Variants in LAMA1 observed in about 807,000 individuals in gnomAD.
LAMA1 encodes laminin subunit alpha 1.
Under a neutral mutation model 348.7 loss-of-function variants are expected in LAMA1, and 219 were observed. That is an observed-to-expected ratio of 0.63 (90% CI 0.56 to 0.70). The LOEUF is 0.70. Among genes scored for constraint, LAMA1 ranks in the 30% least tolerant of loss-of-function variants. The probability of loss-of-function intolerance (pLI) is 0.00; values close to 1 mark genes in which losing one functional copy is unlikely to be tolerated. For synonymous variants in LAMA1, 1,487 were observed against 1,491.0 expected (o/e 1.00, Z 0.06); for missense variants, 3,744 against 3,888.0 (o/e 0.96, Z 0.99).
intron 23 of LAMA1, among the ~76,000 whole-genome samples, chr18:7,012,774 G>A (rs1269051471): frequency 1.3e-5 from 2 of 150,558 alleles, no homozygotes; most frequent in African/African-American, 4.9e-5. Context: ...CAAAGTGCTG[G>A]GATTACAGGT....
chr18:7,045,093 T>C (rs572258066), intron 6 of LAMA1, among the ~76,000 whole-genome samples: 1 of 152,160 alleles, frequency 6.6e-6, no homozygotes, highest in African/African-American at 2.4e-5. Flanking sequence ...TTTTTAAAAA[T>C]ATACATGGAA....
chr18:7,085,165 A>AT (rs932842955), intron 1 of LAMA1, among the ~76,000 whole-genome samples: 1 of 152,020 alleles, frequency 6.6e-6, no homozygotes, highest in Non-Finnish European at 1.5e-5. Flanking sequence ...TTTCCAGATC[A>AT]TTTTTTTCCA....
rs2057885421 is a variant in LAMA1, at chr18:7,015,878, T to C, written c.2990-20A>G. Reference sequence around the variant, plus strand: ...CACAGGCTGAAATAAAGATGAATGCTGGGTTACAGATCTGGGTGATGTCAT... The same window carrying C: ...CACAGGCTGAAATAAAGATGAATGCCGGGTTACAGATCTGGGTGATGTCAT... On this transcript the variant is annotated intron_variant, in intron 21 of 62. Coordinates refer to ENST00000389658, the MANE Select transcript of LAMA1 (RefSeq NM_005559.4). The C allele has an allele frequency of 1.2e-6, 2 of 1,613,890 alleles. No individual in the cohort carries two copies. Among genetic ancestry groups the C allele is most frequent in the African/African-American group, 1.3e-5 (1 of 74,918 alleles).
In LAMA1 at chr18:6,992,659, A is replaced by G. The variant is rs777337810; in HGVS notation, c.5070T>C (p.Ser1690=). 13 of 1,613,666 alleles carry G rather than the reference A, an allele frequency of 8.1e-6. No homozygotes were observed. The East Asian group carries it at 2.7e-4, about 33-fold the overall frequency. Reference sequence around the variant, plus strand: ...CATTCTGTTGCATGTTCTGAAGAGTAGAATTGGGTAGTAGGAAATCTTCAT... The same window carrying G: ...CATTCTGTTGCATGTTCTGAAGAGTGGAATTGGGTAGTAGGAAATCTTCAT... ...TLDEDFLLPN[S]TLQNMQQNGT... Residue 1690 remains serine (S), a synonymous_variant, in exon 36 of 63, where the codon TCT becomes TCC. Coordinates refer to ENST00000389658, the MANE Select transcript of LAMA1 (RefSeq NM_005559.4).
intron 1 of LAMA1, among the ~76,000 whole-genome samples, chr18:7,094,268 C>CA (rs1449111784): frequency 2.0e-5 from 3 of 151,484 alleles, no homozygotes; most frequent in East Asian, 3.9e-4. Context: ...ATTAAAAATA[C>CA]AAAAAATGAG....
chr18:6,958,646 A>G lies in LAMA1; in HGVS notation c.7795T>C (p.Leu2599=), dbSNP rs940238033. The change falls in exon 55 of 63, where the codon TTG becomes CTG. Residue 2599 remains leucine, a synonymous_variant. Transcript: ENST00000389658. The part of the protein sequence containing the change: ...VRNRRIITVQ[L]DENNPVEMKL... ...ATTTCCACAGGATTGTTCTCATCCA[A>G]TTGGACAGTGATAATTCTAAAAGAC... is the stretch of plus-strand genomic sequence containing the variant. 6 of 1,613,956 alleles carry G rather than the reference A, an allele frequency of 3.7e-6. No individual in the cohort carries two copies. The highest frequency in any genetic ancestry group is 5.1e-6 in the Non-Finnish European group (6 of 1,179,814).
At chr18:6,986,486 G>C in intron 36 of LAMA1, 139 bp from the exon 37 acceptor site, 1 of 736,164 alleles carries the variant, frequency 1.4e-6, no homozygotes, top group Non-Finnish European at 2.3e-6. Context: ...AACTTCTTAA[G>C]AATGGAAACA....
At position 6,950,691 on chromosome 18, in the gene LAMA1, G is replaced by T. The variant is rs976481680; in HGVS notation, c.8397+91C>A. 2.9e-6 allele frequency: 4 copies of T among 1,382,430 alleles called. No homozygotes were observed. In the African/African-American group the frequency reaches 4.3e-5, roughly 15 times the overall value. 85.6% of individuals were successfully genotyped at this position (1,382,430 alleles called of 1,614,324 possible). A position where few individuals can be genotyped will look rare whatever the true frequency, so the allele number is the denominator to read the frequency against. Reference sequence around the variant, plus strand: ...ACACACGGCGAGATAGAGATTAATGGGGATAATGTGCCTTTGAGAAATGGA... The same window carrying T: ...ACACACGGCGAGATAGAGATTAATGTGGATAATGTGCCTTTGAGAAATGGA... On this transcript the variant is annotated intron_variant, in intron 58 of 62. Coordinates refer to ENST00000389658, the MANE Select transcript of LAMA1 (RefSeq NM_005559.4).
At chr18:7,054,626 A>AAC (rs1242278468) in intron 3 of LAMA1, among the ~76,000 whole-genome samples, 2 of 152,178 alleles carry the variant, frequency 1.3e-5, no homozygotes, top group African/African-American at 4.8e-5. Context: ...ATGGACCTCT[A>AAC]AACGTGTGTG....
At chr18:7,101,277 G>T (rs1158812877) in intron 1 of LAMA1, among the ~76,000 whole-genome samples, 1 of 152,188 alleles carries the variant, frequency 6.6e-6, no homozygotes. Flanking sequence ...TGTTAAAACA[G>T]AGATTCTCCT....
chr18:7,076,638 A>C (rs1008119046), intron 3 of LAMA1, among the ~76,000 whole-genome samples: 55 of 151,518 alleles, frequency 3.6e-4, no homozygotes, highest in African/African-American at 1.3e-3. Flanking sequence ...CCAATGCAAC[A>C]AGTGGTCCTT....
Position 7,002,351 on chromosome 18 carries a change from T to A in LAMA1, c.4295A>T (p.Asp1432Val). The change falls in exon 30 of 63, where the codon GAT (aspartate) becomes GTT (valine). Residue 1432 changes from aspartate to valine, a missense_variant. Coordinates refer to ENST00000389658, the MANE Select transcript of LAMA1 (RefSeq NM_005559.4). Reference sequence around the variant, plus strand: ...CCCGTAGTAGCCAGAAGTACACACATCACAATGGTCACCTGCTGTGTTATC... The same window carrying A: ...CCCGTAGTAGCCAGAAGTACACACAACACAATGGTCACCTGCTGTGTTATC... ...CGDNTAGDHC[D>V]VCTSGYYGKV... is the part of the protein sequence containing the mutation. 1 of 1,613,756 alleles carries A rather than the reference T, an allele frequency of 6.2e-7. No homozygotes were observed. The highest frequency in any genetic ancestry group is 8.5e-7 in the Non-Finnish European group (1 of 1,180,026).
At chr18:7,039,137 T>G (rs1236307252) in intron 10 of LAMA1, among the ~76,000 whole-genome samples, 187 bp from the exon 11 acceptor site, 1 of 152,216 alleles carries the variant, frequency 6.6e-6, no homozygotes, top group African/African-American at 2.4e-5. Context: ...TAATTTGATT[T>G]TGTACTCAAG....
At chr18:6,976,716 C>G (rs936766001) in intron 44 of LAMA1, among the ~76,000 whole-genome samples, 1 of 151,986 alleles carries the variant, frequency 6.6e-6, no homozygotes, top group Non-Finnish European at 1.5e-5. Flanking sequence ...GAGCAATCCT[C>G]CTGCCTCAGC....
intron 44 of LAMA1, among the ~76,000 whole-genome samples, chr18:6,976,655 G>A (rs374095532): frequency 1.4e-4 from 21 of 151,924 alleles, no homozygotes; most frequent in African/African-American, 5.1e-4. Flanking sequence ...TGCCCAGGCT[G>A]GAGTGCAGTG....
intron 12 of LAMA1, among the ~76,000 whole-genome samples, chr18:7,036,822 A>G (rs2057997115): frequency 6.6e-6 from 1 of 152,222 alleles, no homozygotes; most frequent in Non-Finnish European, 1.5e-5. Flanking sequence ...CTACAAGACT[A>G]CACTAGCATG....
chr18:7,052,257 C>T, intron 3 of LAMA1, among the ~76,000 whole-genome samples: 1 of 151,624 alleles, frequency 6.6e-6, no homozygotes, highest in Non-Finnish European at 1.5e-5. Context: ...TGGTAAAATC[C>T]CATCTCTACT....
At chr18:7,114,197 G>C (rs1436752351) in intron 1 of LAMA1, among the ~76,000 whole-genome samples, 1 of 152,152 alleles carries the variant, frequency 6.6e-6, no homozygotes, top group African/African-American at 2.4e-5. Context: ...CCAGGATGAT[G>C]AGCAAGTACA....
intron 57 of LAMA1, among the ~76,000 whole-genome samples, chr18:6,951,455 G>C (rs536631493): frequency 1.3e-5 from 2 of 152,294 alleles, no homozygotes; most frequent in Non-Finnish European, 2.9e-5. Flanking sequence ...GCTGCGCCTG[G>C]GTAGGCCCTG....
Sources: allele counts gnomAD v4.1 joint callset (sites outside exome capture counted in the v4.1 genomes callset), GRCh38; gene constraint gnomAD v4.1.1; transcripts MANE v1.5; gene names NCBI Gene and HGNC (gene_info 2026-07-23, HGNC 2026-07-21).